Variants in EIF3L observed in about 807,000 individuals in gnomAD.
EIF3L encodes the protein eukaryotic translation initiation factor 3 subunit L.
Under a neutral mutation model 74.6 loss-of-function variants are expected in EIF3L, and 32 were observed. That is an observed-to-expected ratio of 0.43 (90% CI 0.32 to 0.58). The LOEUF is 0.58. EIF3L is among the 20% of genes least tolerant of loss of function. The pLI, the probability that EIF3L is intolerant of heterozygous loss-of-function variation, is 0.06. For synonymous variants in EIF3L, 256 were observed against 254.4 expected (o/e 1.01, Z -0.06); for missense variants, 474 against 707.8 (o/e 0.67, Z 3.75).
At chr22:37,854,998 G>T (rs1404962609) in intron 3 of EIF3L, among the ~76,000 whole-genome samples, 3 of 152,216 alleles carry the variant, frequency 2.0e-5, no homozygotes, top group African/African-American at 7.2e-5. Flanking sequence ...AAAAGAGCCA[G>T]AGAAGCAGGA....
At chr22:37,870,427 A>G in intron 8 of EIF3L, 80 bp downstream of exon 8, 1 of 1,400,846 alleles carries the variant, frequency 7.1e-7, no homozygotes, top group East Asian at 2.3e-5. Context: ...GATCACTGCA[A>G]GGAGAGCAGA....
At chr22:37,867,685 T>C (rs1207495822) in intron 7 of EIF3L, among the ~76,000 whole-genome samples, 2 of 144,194 alleles carry the variant, frequency 1.4e-5, no homozygotes, top group Admixed American at 1.4e-4. Context: ...ATCAGCGCGG[T>C]GGTTCACACC....
Position 37,855,594 on chromosome 22 carries a change from A to G in EIF3L, c.323A>G (p.Lys108Arg), listed in dbSNP as rs768005783. ...SWTKLTERFF[K>R]NTPWPEAEAI... ...ACCAAGCTGACTGAAAGATTCTTCA[A>G]GAATACACCTTGGCCCGAGGCTGAA... The change falls in exon 4 of 13, where the codon AAG becomes AGG. Residue 108 changes from lysine to arginine, a missense_variant. By Grantham distance (26) the Lys-to-Arg change is conservative. Coordinates refer to ENST00000652021, the MANE Select transcript of EIF3L (RefSeq NM_016091.4). 2.5e-6 allele frequency: 4 copies of G among 1,614,186 alleles called. No homozygotes were observed. The highest frequency in any genetic ancestry group is 3.4e-6 in the Non-Finnish European group (4 of 1,180,024).
Position 37,876,133 on chromosome 22 carries a change from CT to C in EIF3L, c.1077+123del, listed in dbSNP as rs567640275. The C allele has an allele frequency of 1.4e-3, 1,425 of 1,015,816 alleles. 12 individuals carry two copies. The African/African-American group carries it at 0.021, about 15-fold the overall frequency. The allele number at this position is 1,015,816 out of a possible 1,614,324, so 62.9% of individuals were successfully genotyped here. On this transcript the variant is annotated intron_variant, in intron 10 of 12. Transcript: ENST00000652021. ...GCACTTTTAAGCCAGGAGTTCAAGA[CT>C]GTAGAGCGCTCTGTGATTGTGCCTA...
intron 2 of EIF3L, among the ~76,000 whole-genome samples, 155 bp from the exon 3 acceptor site, chr22:37,851,125 C>T (rs554569514): frequency 3.3e-5 from 5 of 152,084 alleles, no homozygotes; most frequent in African/African-American, 7.2e-5. Context: ...ACAGGGACAA[C>T]GAGATTGGGA....
chr22:37,856,495 C>T (rs1220237515), intron 4 of EIF3L, among the ~76,000 whole-genome samples: 3 of 152,210 alleles, frequency 2.0e-5, no homozygotes, highest in East Asian at 1.9e-4. Context: ...CAGGCATGCA[C>T]CACTGTGCCC....
intron 7 of EIF3L, among the ~76,000 whole-genome samples, chr22:37,866,903 G>GT (rs1926181135): frequency 6.6e-6 from 1 of 152,118 alleles, no homozygotes; most frequent in Non-Finnish European, 1.5e-5. Flanking sequence ...CAACAAATGT[G>GT]TACAGTGCCA....
At chr22:37,871,965 G>A (rs1291280496) in intron 8 of EIF3L, among the ~76,000 whole-genome samples, 1 of 151,138 alleles carries the variant, frequency 6.6e-6, no homozygotes, top group Admixed American at 6.6e-5. Context: ...AGCATTTATA[G>A]AAGTATACTC....
intron 1 of EIF3L, chr22:37,849,718 G>A (rs1925062363): frequency 1.6e-6 from 1 of 607,372 alleles, no homozygotes; most frequent in Non-Finnish European, 2.9e-6. Context: ...ACTAAGGCCT[G>A]TTAGACGTTT....
chr22:37,880,882 C>T (rs1009677617), intron 11 of EIF3L: 1 of 152,192 alleles, frequency 6.6e-6, no homozygotes, highest in Non-Finnish European at 1.5e-5. Flanking sequence ...TTTTGCTCAA[C>T]GTTATAATTG....
At chr22:37,851,568 A>C (rs1297158802) in intron 3 of EIF3L, 78 bp downstream of exon 3, 5 of 582,202 alleles carry the variant, frequency 8.6e-6, no homozygotes, top group African/African-American at 2.6e-5. Context: ...TGAGGTGAGC[A>C]CTCTGTAAAC....
chr22:37,888,393 C>T (rs1927430113), intron 12 of EIF3L, 33 bp from the exon 13 acceptor site: 1 of 1,613,008 alleles, frequency 6.2e-7, no homozygotes, highest in Non-Finnish European at 8.5e-7. Flanking sequence ...GGGGAAATCC[C>T]CGTATGTAAC....
chr22:37,878,489 A>C, intron 11 of EIF3L: 1 of 194,692 alleles, frequency 5.1e-6, no homozygotes, highest in Non-Finnish European at 1.1e-5. Flanking sequence ...TTGAGATGGA[A>C]TTTCGCTCTC....
rs370989806 is a variant in EIF3L at position 37,876,132 on chromosome 22, A to C, written c.1077+121A>C. The C allele has an allele frequency of 7.0e-5, 73 of 1,043,182 alleles. 1 individual carries two copies. In the East Asian group the frequency reaches 1.4e-3, roughly 20 times the overall value. The allele number at this position is 1,043,182 out of a possible 1,614,324, so 64.6% of individuals were successfully genotyped here. ...TGCACTTTTAAGCCAGGAGTTCAAGACTGTAGAGCGCTCTGTGATTGTGCC... is the reference window on the plus strand; with the variant it reads ...TGCACTTTTAAGCCAGGAGTTCAAGCCTGTAGAGCGCTCTGTGATTGTGCC... On this transcript the variant is annotated intron_variant, in intron 10 of 12. Coordinates refer to ENST00000652021, the MANE Select transcript of EIF3L (RefSeq NM_016091.4).
At chr22:37,878,291 C>T in intron 11 of EIF3L, 120 bp downstream of exon 11, 2 of 1,329,700 alleles carry the variant, frequency 1.5e-6, no homozygotes, top group Non-Finnish European at 2.0e-6. Context: ...GGTGCTGCCA[C>T]AAGGTGCCAG....
chr22:37,877,586 G>C, intron 10 of EIF3L, 88 bp from the exon 11 acceptor site: 2 of 1,459,586 alleles, frequency 1.4e-6, no homozygotes, highest in Non-Finnish European at 1.8e-6. Flanking sequence ...TCAAAGATCT[G>C]TGCAGAGAAT....
chr22:37,874,942 A>G (rs1229423898), intron 9 of EIF3L, among the ~76,000 whole-genome samples: 1 of 127,908 alleles, frequency 7.8e-6, no homozygotes, highest in Non-Finnish European at 1.6e-5. Flanking sequence ...TTGGGGTTTC[A>G]CCGTGTTGGC....
chr22:37,879,366 A>G (rs1159266834), intron 11 of EIF3L: 1 of 152,398 alleles, frequency 6.6e-6, no homozygotes, highest in Non-Finnish European at 1.5e-5. Flanking sequence ...ATGGTGGCGC[A>G]TACCTGTAGT....
chr22:37,888,042 G>A, intron 12 of EIF3L: 1 of 179,838 alleles, frequency 5.6e-6, no homozygotes, highest in Non-Finnish European at 1.2e-5. Context: ...TTACTTTCTG[G>A]CTGTTTAGAT....
Sources: allele counts gnomAD v4.1 joint callset (sites outside exome capture counted in the v4.1 genomes callset), GRCh38; gene constraint gnomAD v4.1.1; transcripts MANE v1.5; gene names NCBI Gene and HGNC (gene_info 2026-07-23, HGNC 2026-07-21).